Variants in PCCB observed in about 807,000 individuals in gnomAD.
The protein encoded by PCCB is propionyl-CoA carboxylase subunit beta.
Under a neutral mutation model 60.7 loss-of-function variants are expected in PCCB, and 43 were observed. That is an observed-to-expected ratio of 0.71 (90% CI 0.55 to 0.91). PCCB has a LOEUF of 0.91. PCCB is among the 40% of genes least tolerant of loss of function. The pLI is 0.00. For synonymous variants in PCCB, 276 were observed against 255.9 expected (o/e 1.08, Z -0.75); for missense variants, 766 against 702.8 (o/e 1.09, Z -1.02).
At chr3:136,311,268 G>A (rs980159350) in intron 9 of PCCB, among the ~76,000 whole-genome samples, 11 of 152,130 alleles carry the variant, frequency 7.2e-5, no homozygotes, top group African/African-American at 2.7e-4. Context: ...ACCAATTATG[G>A]TAGAGTAAAA....
intron 9 of PCCB, among the ~76,000 whole-genome samples, chr3:136,314,983 T>C (rs1236166368): frequency 2.0e-5 from 3 of 152,208 alleles, no homozygotes; most frequent in African/African-American, 7.2e-5. Flanking sequence ...GTGGAAAGGC[T>C]TAGCTCAAAA....
At chr3:136,296,058 TTC>T (rs1449050340) in intron 7 of PCCB, among the ~76,000 whole-genome samples, 6 of 152,332 alleles carry the variant, frequency 3.9e-5, no homozygotes, top group African/African-American at 1.2e-4. Flanking sequence ...ACATATATTT[TTC>T]TCTCTTTTCT....
intron 11 of PCCB, 89 bp from the exon 12 acceptor site, chr3:136,327,066 T>A (rs1157376995): frequency 7.6e-7 from 1 of 1,313,486 alleles, no homozygotes; most frequent in East Asian, 2.3e-5. Context: ...AATGGCCCTC[T>A]CCAGAGGTGG....
chr3:136,270,757 T>C (rs674902), intron 5 of PCCB, among the ~76,000 whole-genome samples: 151,993 of 152,308 alleles, frequency 1, 75,839 homozygotes, highest in Middle Eastern at 1. Flanking sequence ...CCACCTGCCT[T>C]GGCCTCCCAA....
At chr3:136,274,560 C>T (rs1325511416) in intron 5 of PCCB, among the ~76,000 whole-genome samples, 1 of 152,136 alleles carries the variant, frequency 6.6e-6, no homozygotes, top group Non-Finnish European at 1.5e-5. Flanking sequence ...AGGATTCTTT[C>T]CTTCATGTTG....
chr3:136,273,827 G>T (rs1273743872), intron 5 of PCCB, among the ~76,000 whole-genome samples: 2 of 146,808 alleles, frequency 1.4e-5, no homozygotes, highest in African/African-American at 2.5e-5. Flanking sequence ...CAGGAGAATG[G>T]CGTGAACCCA....
chr3:136,265,894 C>T (rs1161637301), intron 5 of PCCB, among the ~76,000 whole-genome samples: 4 of 148,962 alleles, frequency 2.7e-5, no homozygotes, highest in East Asian at 2.0e-4. Flanking sequence ...GGTGCGATCT[C>T]GGCTCACTGC....
chr3:136,268,072 G>GTT (rs1470035758), intron 5 of PCCB, among the ~76,000 whole-genome samples: 1 of 112,264 alleles, frequency 8.9e-6, no homozygotes, highest in African/African-American at 3.3e-5. Flanking sequence ...GTGCGTGTGT[G>GTT]TGTGTGTGTG....
chr3:136,295,752 T>G (rs960474130), intron 7 of PCCB, among the ~76,000 whole-genome samples: 10 of 152,224 alleles, frequency 6.6e-5, no homozygotes, highest in Admixed American at 1.3e-4. Flanking sequence ...GGTTATACCC[T>G]TGCAGTCTTT....
rs146136716 is a variant in PCCB, at chr3:136,317,338, C to T, written c.1090+274C>T. Among the ~76,000 whole-genome samples, 336 of 149,244 alleles carry T rather than the reference C, an allele frequency of 2.3e-3. 5 individuals are homozygous for T. The highest frequency in any genetic ancestry group is 0.015 in the Admixed American group (216 of 14,716). Reference sequence around the variant, plus strand: ...CCAGGGTCAAGCAGTCCTTCCACCTCGGCCTCCCGAGTAGCTGGGACTACA... The same window carrying T: ...CCAGGGTCAAGCAGTCCTTCCACCTTGGCCTCCCGAGTAGCTGGGACTACA... On this transcript the variant is annotated intron_variant, in intron 10 of 14. Coordinates refer to ENST00000251654, the MANE Select transcript of PCCB (RefSeq NM_000532.5).
chr3:136,308,246 T>G lies in PCCB; in HGVS notation c.966+7135T>G, dbSNP rs925435519. Among the ~76,000 whole-genome samples, 120 of 150,322 alleles carry G rather than the reference T, an allele frequency of 8.0e-4. 1 individual carries two copies. Among genetic ancestry groups the G allele is most frequent in the Middle Eastern group, 3.4e-3 (1 of 292 alleles). ...TAATAAGGAAGGACTTTTTTTTTTT[T>G]TTTTTGATATGGAGTCTCACTCTGT... is the stretch of plus-strand genomic sequence containing the variant. On this transcript the variant is annotated intron_variant, in intron 9 of 14. Coordinates refer to ENST00000251654, the MANE Select transcript of PCCB (RefSeq NM_000532.5).
chr3:136,273,140 A>C (rs1942244259), intron 5 of PCCB, among the ~76,000 whole-genome samples: 1 of 151,886 alleles, frequency 6.6e-6, no homozygotes, highest in South Asian at 2.1e-4. Flanking sequence ...TTTCTTTTGG[A>C]GTTGTTTCTA....
chr3:136,259,396 C>T (rs563475821), intron 3 of PCCB, among the ~76,000 whole-genome samples: 54 of 152,182 alleles, frequency 3.5e-4, no homozygotes, highest in African/African-American at 1.2e-3. Flanking sequence ...ACCTGGGAGG[C>T]GGAGGATACA....
At chr3:136,255,021 C>G (rs1182417572) in intron 1 of PCCB, among the ~76,000 whole-genome samples, 1 of 151,934 alleles carries the variant, frequency 6.6e-6, no homozygotes, top group Non-Finnish European at 1.5e-5. Context: ...GGAAGACAGG[C>G]GCATGCCACC....
At chr3:136,275,279 A>G (rs1051129515) in intron 5 of PCCB, among the ~76,000 whole-genome samples, 1 of 150,928 alleles carries the variant, frequency 6.6e-6, no homozygotes, top group African/African-American at 2.4e-5. Flanking sequence ...GGAAATTCTG[A>G]TTGTTTTTTC....
intron 9 of PCCB, among the ~76,000 whole-genome samples, chr3:136,304,681 G>A (rs1234519139): frequency 8.9e-6 from 1 of 112,912 alleles, no homozygotes; most frequent in African/African-American, 2.7e-5. Flanking sequence ...CACTGTGCCC[G>A]GCTGGCTTTC....
At chr3:136,268,101 T>C (rs867971768) in intron 5 of PCCB, among the ~76,000 whole-genome samples, 2 of 122,252 alleles carry the variant, frequency 1.6e-5, no homozygotes, top group African/African-American at 7.1e-5. Context: ...TATATATATA[T>C]ATATATATAT....
chr3:136,268,094 A>ATATATATATATGTG (rs1560002407), intron 5 of PCCB, among the ~76,000 whole-genome samples: 2 of 64,324 alleles, frequency 3.1e-5, no homozygotes, highest in Non-Finnish European at 6.1e-5. Flanking sequence ...GTAGATATAT[A>ATATATATATATGTG]TATATATATA....
chr3:136,265,892 C>T (rs1463871598), intron 5 of PCCB, among the ~76,000 whole-genome samples: 11 of 150,710 alleles, frequency 7.3e-5, no homozygotes, highest in Middle Eastern at 3.4e-3. Context: ...GTGGTGCGAT[C>T]TCGGCTCACT....
Sources: gnomAD v4.1 joint callset for allele counts (sites outside exome capture counted in the v4.1 genomes callset) on GRCh38, gnomAD v4.1.1 for gene constraint, MANE v1.5 for transcripts, NCBI Gene and HGNC (gene_info 2026-07-23, HGNC 2026-07-21) for gene names.